SHLD1: variants seen among roughly 807,000 people sequenced by gnomAD.
The protein encoded by SHLD1 is RINN1-REV7-interacting novel NHEJ regulator 3.
SHLD1 carries 3 observed loss-of-function variants against 5.5 expected under a neutral mutation model. The observed-to-expected ratio is 0.54, with a 90% CI of 0.25 to 1.40. The LOEUF is 1.40. Ranked by LOEUF, SHLD1 falls within the 40% of genes most tolerant of loss-of-function variation. The pLI, the probability that SHLD1 is intolerant of heterozygous loss-of-function variation, is 0.15. For missense variants in SHLD1, 210 were observed against 244.4 expected (o/e 0.86, Z 0.94); for synonymous variants, 92 against 94.3 (o/e 0.98, Z 0.14).
chr20:5,831,468 G>A (rs755357548), intron 2 of SHLD1, among the ~76,000 whole-genome samples: 3 of 152,106 alleles, frequency 2.0e-5, no homozygotes, highest in Admixed American at 1.3e-4. Flanking sequence ...CCACAAGTTC[G>A]TTGAAGCCAA....
At chr20:5,839,031 G>T (rs933700092) in intron 2 of SHLD1, among the ~76,000 whole-genome samples, 18 of 152,154 alleles carry the variant, frequency 1.2e-4, no homozygotes, top group African/African-American at 4.3e-4. Context: ...AGATAGATTG[G>T]ACTGTGGCTC....
At chr20:5,803,915 C>T (rs116926197) in intron 2 of SHLD1, among the ~76,000 whole-genome samples, 3,973 of 150,674 alleles carry the variant, frequency 0.026, 81 homozygotes, top group Non-Finnish European at 0.039. Flanking sequence ...ACAAGAATGA[C>T]GAAAGAGCAG....
At chr20:5,844,864 G>A (rs549019505) in intron 2 of SHLD1, among the ~76,000 whole-genome samples, 3 of 144,362 alleles carry the variant, frequency 2.1e-5, no homozygotes, top group Admixed American at 7.1e-5. Context: ...GTGCGATCTC[G>A]GTTCACTGCA....
intron 2 of SHLD1, among the ~76,000 whole-genome samples, chr20:5,812,105 G>T (rs527295593): frequency 1.4e-5 from 2 of 143,870 alleles, no homozygotes; most frequent in South Asian, 2.2e-4. Context: ...TTTTTTTGAG[G>T]ACCCGACCTT....
chr20:5,782,292 A>G (rs925418266), intron 2 of SHLD1, among the ~76,000 whole-genome samples: 3 of 152,108 alleles, frequency 2.0e-5, no homozygotes, highest in Admixed American at 2.0e-4. Flanking sequence ...TCTCAAAAGC[A>G]AGATCACAAA....
At chr20:5,770,004 CA>C (rs113692130) in intron 1 of SHLD1, among the ~76,000 whole-genome samples, 556 of 55,080 alleles carry the variant, frequency 0.01, 2 homozygotes, top group African/African-American at 0.031. Flanking sequence ...AACTCCTTCT[CA>C]AAAAAAAAAA....
chr20:5,839,896 C>A (rs1023245619), intron 2 of SHLD1, among the ~76,000 whole-genome samples: 3 of 152,180 alleles, frequency 2.0e-5, no homozygotes, highest in African/African-American at 4.8e-5. Flanking sequence ...GGTGGAAGAA[C>A]CTTTTTCAGG....
intron 2 of SHLD1, among the ~76,000 whole-genome samples, chr20:5,798,311 T>C (rs1471566245): frequency 4.3e-4 from 2 of 4,634 alleles, no homozygotes; most frequent in Admixed American, 8.4e-3. Flanking sequence ...TCAGTTCTCT[T>C]TTTTTTTTTT....
At chr20:5,819,239 A>C (rs913620422) in intron 2 of SHLD1, among the ~76,000 whole-genome samples, 30 of 152,246 alleles carry the variant, frequency 2.0e-4, no homozygotes, top group African/African-American at 7.0e-4. Context: ...GCATGGTTGC[A>C]TGCTTGGTTC....
In SHLD1 at chr20:5,844,785, A is replaced by ATTTTTTT. The variant is rs1451016272; in HGVS notation, c.179-18238_179-18237insTTTTTTT. Among the ~76,000 whole-genome samples the ATTTTTTT allele has an allele frequency of 2.5e-4, 26 of 102,370 alleles. No individual in the cohort carries two copies. In the East Asian group the frequency reaches 2.6e-3, roughly 10 times the overall value. 67.2% of individuals were successfully genotyped at this position (102,370 alleles called of 152,430 possible). On this transcript the variant is annotated intron_variant, in intron 2 of 2. Coordinates refer to ENST00000303142, the MANE Select transcript of SHLD1 (RefSeq NM_152504.4). ...GTGTAGTAGACATATATATATATAT[A>ATTTTTTT]TATATATATATATATTTTTTTTTTT...
At chr20:5,822,024 A>ATG (rs1201841080) in intron 2 of SHLD1, among the ~76,000 whole-genome samples, 1 of 152,172 alleles carries the variant, frequency 6.6e-6, no homozygotes, top group African/African-American at 2.4e-5. Context: ...GGAGGTGAGG[A>ATG]GCCATCCTGG....
intron 2 of SHLD1, among the ~76,000 whole-genome samples, chr20:5,833,691 G>GACAGAGACAGGGAGAAAC (rs1568524529): frequency 6.6e-6 from 1 of 151,964 alleles, no homozygotes; most frequent in Non-Finnish European, 1.5e-5. Flanking sequence ...GAGAGAGAGA[G>GACAGAGACAGGGAGAAAC]ACAGAGACAG....
intron 2 of SHLD1, among the ~76,000 whole-genome samples, chr20:5,776,752 G>C (rs1194503454): frequency 6.6e-6 from 1 of 151,886 alleles, no homozygotes; most frequent in African/African-American, 2.4e-5. Flanking sequence ...AACAGAGCAA[G>C]ACTCCGACTC....
intron 1 of SHLD1, chr20:5,756,686 T>C (rs1984123256): frequency 6.5e-6 from 1 of 153,904 alleles, no homozygotes. Flanking sequence ...TCTTTCTTTC[T>C]TTCTTTTTTT....
chr20:5,860,745 A>C (rs1257148888), intron 2 of SHLD1, among the ~76,000 whole-genome samples: 1 of 152,000 alleles, frequency 6.6e-6, no homozygotes, highest in East Asian at 1.9e-4. Context: ...AGAACAAGAA[A>C]GAGACCAGCA....
intron 1 of SHLD1, among the ~76,000 whole-genome samples, chr20:5,754,824 C>T (rs113310125): frequency 0.035 from 5,329 of 152,004 alleles, 315 homozygotes; most frequent in African/African-American, 0.12. Flanking sequence ...GGGAGGCCGA[C>T]GCGGGCGGAT....
At chr20:5,757,607 C>T (rs572975720) in intron 1 of SHLD1, among the ~76,000 whole-genome samples, 2 of 152,058 alleles carry the variant, frequency 1.3e-5, no homozygotes, top group Admixed American at 6.6e-5. Flanking sequence ...CAATTCTTTT[C>T]TTTTCTTTTT....
chr20:5,846,668 C>T lies in SHLD1; in HGVS notation c.179-16356C>T, dbSNP rs532593423. Among the ~76,000 whole-genome samples, 6 of 152,304 alleles carry T rather than the reference C, an allele frequency of 3.9e-5. No individual in the cohort carries two copies. In the South Asian group the frequency reaches 1.2e-3, roughly 32 times the overall value. ...ATGGCTCCTGAAGGAAATTGCCTCC[C>T]TGGTTCTCTTGTCTGACAGCTTTGC... On this transcript the variant is annotated intron_variant, in intron 2 of 2. Transcript: ENST00000303142.
chr20:5,833,742 A>T (rs541705191), intron 2 of SHLD1, among the ~76,000 whole-genome samples: 3 of 152,102 alleles, frequency 2.0e-5, no homozygotes, highest in Non-Finnish European at 4.4e-5. Context: ...TCTGGAAAAG[A>T]GAAAAGAAAC....
Sources: gnomAD v4.1 joint callset for allele counts (sites outside exome capture counted in the v4.1 genomes callset) on GRCh38, gnomAD v4.1.1 for gene constraint, MANE v1.5 for transcripts, NCBI Gene and HGNC (gene_info 2026-07-23, HGNC 2026-07-21) for gene names.